KIAA1549: variants seen among roughly 807,000 people sequenced by gnomAD.
KIAA1549 encodes KIAA1549.
KIAA1549 carries 70 observed loss-of-function variants against 156.4 expected under a neutral mutation model. The observed-to-expected ratio is 0.45, with a 90% CI of 0.37 to 0.55. KIAA1549 has a LOEUF of 0.55. Ranked by LOEUF, KIAA1549 falls within the 20% of genes least tolerant of loss-of-function variation. KIAA1549 has a pLI of 0.00. For missense variants in KIAA1549, 2,428 were observed against 2,540.9 expected, an observed-to-expected ratio of 0.96 and a Z score of 0.96; for synonymous variants, 1,103 against 1,066.4, an observed-to-expected ratio of 1.03 and a Z score of -0.67.
chr7:138,846,716 G>C (rs1810088047), intron 17 of KIAA1549, among the ~76,000 whole-genome samples: 1 of 152,052 alleles, frequency 6.6e-6, no homozygotes, highest in Admixed American at 6.5e-5. Flanking sequence ...CCCTCCAGGA[G>C]TCTGAGAACT....
chr7:138,860,477 T>C (rs1394038772), intron 16 of KIAA1549, among the ~76,000 whole-genome samples: 1 of 152,222 alleles, frequency 6.6e-6, no homozygotes, highest in East Asian at 1.9e-4. Context: ...AGTCAAACCT[T>C]AGTCCAATCA....
chr7:138,931,597 C>CA (rs1174497190), intron 1 of KIAA1549, among the ~76,000 whole-genome samples: 2 of 151,180 alleles, frequency 1.3e-5, no homozygotes, highest in Non-Finnish European at 3.0e-5. Context: ...ATTAAAAATA[C>CA]AAAAACTAGC....
chr7:138,890,269 C>T (rs942690972), intron 10 of KIAA1549, among the ~76,000 whole-genome samples: 5 of 152,306 alleles, frequency 3.3e-5, no homozygotes, highest in Middle Eastern at 3.4e-3. Context: ...TGGCACAAAA[C>T]GCAGTGAAGC....
intron 1 of KIAA1549, among the ~76,000 whole-genome samples, chr7:138,969,422 C>T (rs1814148928): frequency 6.6e-6 from 1 of 152,166 alleles, no homozygotes; most frequent in African/African-American, 2.4e-5. Context: ...CTTGGCATAA[C>T]GTCTTTGAGG....
intron 12 of KIAA1549, 74 bp downstream of exon 12, chr7:138,879,464 A>T: frequency 1.2e-6 from 1 of 841,480 alleles, no homozygotes; most frequent in Non-Finnish European, 1.9e-6. Context: ...TAGCATTTGA[A>T]ATACTGTAAG....
rs1270102882 is a variant in KIAA1549 at position 138,869,628 on chromosome 7, T to A, written c.4685A>T (p.His1562Leu). ...CATCTGTGCCCTGCGGTACACCCGG[T>A]GTCGCTCCTTAGTGTCGCCCGAGGA... ...DLSSGDTKER[H>L]RVYRRAQMQI... The change falls in exon 14 of 20, where the codon CAC (histidine) becomes CTC (leucine). Residue 1562 changes from histidine (H) to leucine (L), a missense_variant. His to Leu is a moderately conservative substitution (Grantham distance 99, BLOSUM62 -3). This residue lies in a region of KIAA1549 where 404 missense variants were observed against 417.0 expected (regional missense o/e 0.97). Transcript: ENST00000422774. The A allele has an allele frequency of 1.9e-6, 3 of 1,609,354 alleles. No individual in the cohort carries two copies. The South Asian group carries it at 3.3e-5, about 18-fold the overall frequency.
At chr7:138,934,791 A>G (rs1812962644) in intron 1 of KIAA1549, among the ~76,000 whole-genome samples, 1 of 152,236 alleles carries the variant, frequency 6.6e-6, no homozygotes, top group Non-Finnish European at 1.5e-5. Context: ...CCCTCAAACC[A>G]TAAGGGGTTC....
Position 138,844,409 on chromosome 7 carries a change from T to C in KIAA1549, c.5360A>G (p.Gln1787Arg). ...AGCAAATGGGGCTTCGGCGGAGGCC[T>C]GTGGCTGCTGAGGGTCAGGGGGCAC... ...ELVPPDPQQP[Q>R]ASAEAPFAAR... Residue 1787 changes from glutamine (Q) to arginine (R), a missense_variant, in exon 18 of 20, where the codon CAG (glutamine) becomes CGG (arginine). By Grantham distance (43) the Gln-to-Arg change is conservative. This residue lies in a region of KIAA1549 where 363 missense variants were observed against 354.0 expected (regional missense o/e 1.03). Coordinates refer to ENST00000422774, the MANE Select transcript of KIAA1549 (RefSeq NM_001164665.2). 1.9e-6 allele frequency: 3 copies of C among 1,601,462 alleles called. No homozygotes were observed. The highest frequency in any genetic ancestry group is 2.6e-6 in the Non-Finnish European group (3 of 1,173,754).
chr7:138,922,140 T>C (rs572286785), intron 1 of KIAA1549, among the ~76,000 whole-genome samples: 28 of 152,308 alleles, frequency 1.8e-4, no homozygotes, highest in Middle Eastern at 3.4e-3. Context: ...GGGAAAAGTA[T>C]ATGTCTCAGC....
intron 13 of KIAA1549, among the ~76,000 whole-genome samples, chr7:138,870,578 G>A (rs1438619797): frequency 6.6e-6 from 1 of 152,180 alleles, no homozygotes; most frequent in Non-Finnish European, 1.5e-5. Flanking sequence ...TGAAGCGTGA[G>A]GAGGATCAGA....
At chr7:138,844,085 G>C (rs1035715090) in intron 18 of KIAA1549, among the ~76,000 whole-genome samples, 1 of 152,124 alleles carries the variant, frequency 6.6e-6, no homozygotes, top group South Asian at 2.1e-4. Flanking sequence ...TGGAGGAAGC[G>C]TGCCGTGAAT....
chr7:138,931,129 T>C (rs1010466406), intron 1 of KIAA1549, among the ~76,000 whole-genome samples: 11 of 152,176 alleles, frequency 7.2e-5, no homozygotes, highest in Non-Finnish European at 1.3e-4. Flanking sequence ...CCTTTGTATA[T>C]GGGCAGAGTT....
chr7:138,912,943 T>C (rs10250596), intron 2 of KIAA1549, among the ~76,000 whole-genome samples: 79,911 of 151,832 alleles, frequency 0.53, 23,583 homozygotes, highest in African/African-American at 0.81. Flanking sequence ...GGCGCAATCT[T>C]GGCTCACTGT....
intron 1 of KIAA1549, among the ~76,000 whole-genome samples, chr7:138,961,846 GAA>G (rs35074532): frequency 1.1e-3 from 99 of 94,028 alleles, no homozygotes; most frequent in African/African-American, 2.5e-3. Flanking sequence ...TGTCTCTTAA[GAA>G]AAAAAAAAAA....
At chr7:138,854,543 C>CT (rs1030245220) in intron 16 of KIAA1549, among the ~76,000 whole-genome samples, 23 of 151,172 alleles carry the variant, frequency 1.5e-4, no homozygotes, top group East Asian at 3.9e-4. Flanking sequence ...TGTGGTTTTT[C>CT]TTTTTTTTTA....
At chr7:138,849,122 G>A (rs967212400) in intron 17 of KIAA1549, among the ~76,000 whole-genome samples, 4 of 151,982 alleles carry the variant, frequency 2.6e-5, no homozygotes, top group African/African-American at 4.8e-5. Context: ...TCTTCTTATT[G>A]ATAATTTGTT....
chr7:138,898,764 G>A (rs1811758864), intron 9 of KIAA1549, among the ~76,000 whole-genome samples, 191 bp downstream of exon 9: 1 of 152,142 alleles, frequency 6.6e-6, no homozygotes, highest in Non-Finnish European at 1.5e-5. Flanking sequence ...AAACAGCAGT[G>A]GAGGCTAAAC....
intron 10 of KIAA1549, among the ~76,000 whole-genome samples, chr7:138,891,035 T>C (rs1241055274): frequency 2.6e-5 from 4 of 152,128 alleles, no homozygotes; most frequent in East Asian, 1.9e-4. Flanking sequence ...TTGAAGAAGG[T>C]AGAAGTACCC....
intron 4 of KIAA1549, among the ~76,000 whole-genome samples, chr7:138,909,718 G>A (rs1456544961): frequency 6.6e-6 from 1 of 151,836 alleles, no homozygotes; most frequent in Admixed American, 6.6e-5. Flanking sequence ...AGGCTGAGGC[G>A]GGCAGATCAT....
Sources: gnomAD v4.1 joint callset for allele counts (sites outside exome capture counted in the v4.1 genomes callset) on GRCh38, gnomAD v4.1.1 for gene constraint, gnomAD v4.1.1 regional missense constraint, MANE v1.5 for transcripts, NCBI Gene and HGNC (gene_info 2026-07-23, HGNC 2026-07-21) for gene names.